The following PTPRD variants were observed in gnomAD, a reference collection of about 807,000 sequenced individuals.
PTPRD encodes the protein protein tyrosine phosphatase receptor type D, also known as receptor-type tyrosine-protein phosphatase delta.
Under a neutral mutation model 214.5 loss-of-function variants are expected in PTPRD, and 34 were observed. The ratio of observed to expected loss-of-function variants is 0.16; its 90% CI spans 0.12 to 0.21. The LOEUF is 0.21. Among genes scored for constraint, PTPRD ranks in the 10% least tolerant of loss-of-function variants. PTPRD has a pLI of 1.00. For missense variants in PTPRD, 2,545 were observed against 2,398.7 expected (o/e 1.06, Z -1.27); for synonymous variants, 1,128 against 845.7 (o/e 1.33, Z -5.79).
chr9:10,152,398 T>C (rs2099066832), intron 3 of PTPRD, among the ~76,000 whole-genome samples: 1 of 152,240 alleles, frequency 6.6e-6, no homozygotes. Flanking sequence ...GTTCTTCATA[T>C]ATTTTGATTA....
At chr9:9,635,128 A>T (rs190574066) in intron 7 of PTPRD, among the ~76,000 whole-genome samples, 161 of 152,326 alleles carry the variant, frequency 1.1e-3, no homozygotes, top group African/African-American at 3.8e-3. Flanking sequence ...TAAGAAGGAC[A>T]TCTGTAGCCA....
intron 37 of PTPRD, among the ~76,000 whole-genome samples, chr9:8,382,377 G>C (rs1021539772): frequency 4.6e-5 from 7 of 152,174 alleles, no homozygotes; most frequent in African/African-American, 1.4e-4. Context: ...TGAATGCAGA[G>C]AATGAGAGAG....
intron 39 of PTPRD, among the ~76,000 whole-genome samples, chr9:8,359,923 A>G (rs1018646116): frequency 1.3e-5 from 2 of 152,100 alleles, no homozygotes; most frequent in Non-Finnish European, 1.5e-5. Flanking sequence ...ATTTAACTCA[A>G]GCTTTCCTTT....
intron 35 of PTPRD, among the ~76,000 whole-genome samples, chr9:8,412,521 T>C (rs2093612048): frequency 6.6e-6 from 1 of 152,170 alleles, no homozygotes; most frequent in Non-Finnish European, 1.5e-5. Flanking sequence ...CACTGCTCTT[T>C]GAAAATGCTG....
intron 2 of PTPRD, among the ~76,000 whole-genome samples, chr9:10,578,878 T>C (rs772286117): frequency 6.6e-5 from 10 of 152,160 alleles, no homozygotes; most frequent in Admixed American, 2.6e-4. Context: ...TTTTGTTTTG[T>C]TTTTAAATCT....
intron 8 of PTPRD, among the ~76,000 whole-genome samples, chr9:9,449,408 C>T (rs1310975930): frequency 7.4e-6 from 1 of 135,694 alleles, no homozygotes; most frequent in Non-Finnish European, 1.7e-5. Flanking sequence ...ATTCAAATTG[C>T]TATATATATA....
chr9:8,510,029 A>T (rs2097645538), intron 21 of PTPRD, among the ~76,000 whole-genome samples: 1 of 152,040 alleles, frequency 6.6e-6, no homozygotes, highest in Non-Finnish European at 1.5e-5. Context: ...CACATCTGTA[A>T]CCCCAGCACT....
chr9:8,578,446 G>A (rs370160075), intron 14 of PTPRD, among the ~76,000 whole-genome samples: 11 of 152,074 alleles, frequency 7.2e-5, no homozygotes, highest in African/African-American at 2.7e-4. Context: ...ATTAAAAGCT[G>A]TAATACTATT....
Position 9,728,828 on chromosome 9 carries a change from T to C in PTPRD, c.-287+5705A>G, listed in dbSNP as rs541641188. 2.1e-3 allele frequency among the ~76,000 whole-genome samples: 323 copies of C among 152,162 alleles called. 1 individual carries two copies. The highest frequency in any genetic ancestry group is 7.3e-3 in the African/African-American group (301 of 41,512). Reference sequence around the variant, plus strand: ...ACCATTTTGAGTGTAGATATGTATCTTGTAGATTTTTTCCTATTTCATGTT... The same window carrying C: ...ACCATTTTGAGTGTAGATATGTATCCTGTAGATTTTTTCCTATTTCATGTT... On this transcript the variant is annotated intron_variant, in intron 7 of 45. Transcript: ENST00000381196.
intron 3 of PTPRD, among the ~76,000 whole-genome samples, chr9:10,228,272 C>T (rs1479457825): frequency 6.6e-6 from 1 of 151,984 alleles, no homozygotes; most frequent in Non-Finnish European, 1.5e-5. Flanking sequence ...GGAAGCTTTC[C>T]TGTTAATGTT....
intron 8 of PTPRD, among the ~76,000 whole-genome samples, chr9:9,573,332 G>C (rs13301850): frequency 6.6e-6 from 1 of 150,816 alleles, no homozygotes; most frequent in African/African-American, 2.4e-5. Flanking sequence ...TATACTTCTA[G>C]AACTGAAGAT....
intron 3 of PTPRD, among the ~76,000 whole-genome samples, chr9:10,123,856 C>T (rs1295640689): frequency 2.0e-5 from 3 of 152,124 alleles, no homozygotes; most frequent in Non-Finnish European, 2.9e-5. Context: ...TCTGTGGACA[C>T]AATGTCACAT....
chr9:9,887,747 C>T (rs2071517176), intron 5 of PTPRD, among the ~76,000 whole-genome samples: 1 of 152,034 alleles, frequency 6.6e-6, no homozygotes. Flanking sequence ...GCTAAATATA[C>T]TTTTCAGGAG....
At chr9:9,854,481 CTTTTCTCAGAAAAAAAAGATATCTAATTT>C (rs960464433) in intron 5 of PTPRD, among the ~76,000 whole-genome samples, 9 of 151,162 alleles carry the variant, frequency 6.0e-5, no homozygotes, top group Non-Finnish European at 8.8e-5. Context: ...TCCCAAGAAT[CTTTTCTCAGAAAAAAAAGATATCTAATTT>C]TTTTCTCAGA....
intron 3 of PTPRD, among the ~76,000 whole-genome samples, chr9:10,266,831 C>G (rs941339228): frequency 6.6e-6 from 1 of 152,134 alleles, no homozygotes; most frequent in Non-Finnish European, 1.5e-5. Context: ...TAAGAACATT[C>G]TGGAAGTTGT....
chr9:9,579,810 T>G (rs529647464), intron 7 of PTPRD, among the ~76,000 whole-genome samples: 1 of 152,226 alleles, frequency 6.6e-6, no homozygotes, highest in South Asian at 2.1e-4. Context: ...CAGAATAATA[T>G]CCATTGTACC....
chr9:9,992,024 A>C (rs970529152), intron 4 of PTPRD, among the ~76,000 whole-genome samples: 2 of 152,200 alleles, frequency 1.3e-5, no homozygotes, highest in Non-Finnish European at 2.9e-5. Context: ...TCATTATATG[A>C]AATGCCCAAT....
intron 2 of PTPRD, among the ~76,000 whole-genome samples, chr9:10,555,125 C>CA (rs1491036662): frequency 6.6e-6 from 1 of 151,708 alleles, no homozygotes; most frequent in Non-Finnish European, 1.5e-5. Context: ...AAACAACACA[C>CA]AAAAAACCTT....
intron 2 of PTPRD, among the ~76,000 whole-genome samples, chr9:10,574,161 C>G (rs1273129597): frequency 2.0e-5 from 3 of 151,814 alleles, no homozygotes; most frequent in Non-Finnish European, 2.9e-5. Flanking sequence ...TTGTAACTAC[C>G]TCATTGAAGT....
Sources: gnomAD v4.1 joint callset for allele counts (sites outside exome capture counted in the v4.1 genomes callset) on GRCh38, gnomAD v4.1.1 for gene constraint, MANE v1.5 for transcripts, NCBI Gene and HGNC (gene_info 2026-07-23, HGNC 2026-07-21) for gene names.